Variants in ZACN observed in about 807,000 individuals in gnomAD.
The protein encoded by ZACN is zinc activated ion channel, also known as ligand-gated cation channel ZACN.
In ZACN, 52 loss-of-function variants were observed where a neutral mutation model predicts 38.9. The ratio of observed to expected loss-of-function variants is 1.34; its 90% CI spans 1.07 to 1.68. ZACN has a LOEUF of 1.68. Among genes scored for constraint, ZACN ranks in the 40% most tolerant of loss-of-function variants. The pLI is 0.00. For missense variants in ZACN, 559 were observed against 525.6 expected, an observed-to-expected ratio of 1.06 and a Z score of -0.62; for synonymous variants, 235 against 227.4, an observed-to-expected ratio of 1.03 and a Z score of -0.30.
chr17:76,082,156 C>T (rs2144571967), intron 8 of ZACN, 107 bp downstream of exon 8: 1 of 1,314,872 alleles, frequency 7.6e-7, no homozygotes, highest in East Asian at 2.5e-5. Flanking sequence ...ATCCACCCTG[C>T]TGGCTCTCCT....
At chr17:76,080,666 C>A (rs1442362138) in intron 5 of ZACN, 1 of 663,398 alleles carries the variant, frequency 1.5e-6, no homozygotes, top group Non-Finnish European at 2.8e-6. Flanking sequence ...GCGGTAGCCT[C>A]AGGGCCCCTC....
chr17:76,082,212 T>G, intron 8 of ZACN, 163 bp downstream of exon 8: 1 of 974,538 alleles, frequency 1.0e-6, no homozygotes, highest in Non-Finnish European at 1.5e-6. Flanking sequence ...GAAACAGGTC[T>G]GGGGCAGGGA....
rs779504228 is a variant in ZACN, at chr17:76,081,561, CG to C, written c.688del (p.Ala230ArgfsTer33). ...CFQVTLRLKN[T>X]ALKSIIALLV... ...CCCTTCCAGCTGAGGCTGAAGAACA[CG>C]GCGCTCAAGTCCATCATCGCTCTCT... On this transcript the variant is annotated frameshift_variant, in exon 7 of 9. Coordinates refer to ENST00000334586, the MANE Select transcript of ZACN (RefSeq NM_180990.4). LOFTEE classifies it high-confidence loss of function. 6.2e-7 allele frequency: 1 copy of C among 1,613,582 alleles called. No individual in the cohort carries two copies. The highest frequency in any genetic ancestry group is 1.1e-5 in the South Asian group (1 of 91,088).
At position 76,079,535 on chromosome 17, in the gene ZACN, G is replaced by T. The variant is rs755002511; in HGVS notation, c.194G>T (p.Arg65Leu). ...AGTGCGCCCCTGCTCGTGGATGTGC[G>T]GGTGTTTGTCTCCAACGTGTTTAAT... The part of the protein sequence containing the change: ...NGSAPLLVDV[R>L]VFVSNVFNVD... The change falls in exon 2 of 9, where the codon CGG becomes CTG. Residue 65 changes from arginine (R) to leucine (L), a missense_variant. Arg to Leu is a moderately radical substitution (Grantham distance 102). Transcript: ENST00000334586. The T allele has an allele frequency of 6.2e-7, 1 of 1,614,206 alleles. No homozygotes were observed. Among genetic ancestry groups the T allele is most frequent in the African/African-American group, 1.3e-5 (1 of 75,038 alleles).
chr17:76,082,642 C>A lies in ZACN; in HGVS notation c.1228C>A (p.Pro410Thr). 1.9e-6 allele frequency: 3 copies of A among 1,611,124 alleles called. No individual in the cohort carries two copies. Among genetic ancestry groups the A allele is most frequent in the Non-Finnish European group, 2.5e-6 (3 of 1,179,000 alleles). The change falls in exon 9 of 9, where the codon CCT becomes ACT. Residue 410 changes from proline (P) to threonine (T), a missense_variant. Transcript: ENST00000334586. ...PGEAAPHGRR[P>T]RL is the part of the protein sequence containing the mutation. ...AGAGGCTGCACCCCATGGCAGGCGG[C>A]CTAGACTGTAAAGGGGCAGGGCCTG...
At chr17:76,082,088 G>A (rs1310239393) in intron 8 of ZACN, 39 bp downstream of exon 8, 1 of 1,557,242 alleles carries the variant, frequency 6.4e-7, no homozygotes, top group Non-Finnish European at 8.7e-7. Context: ...AGGCCTAGGT[G>A]CACACCTAGG....
rs761090443 is a variant in ZACN at position 76,081,880 on chromosome 17, A to G, written c.881-2A>G. ...CATCTCCCTGTGCCCTGCCTCCCCC[A>G]GTTTACTACTTCACCATCCTGCTGC... On this transcript the variant is annotated splice_acceptor_variant, in intron 7 of 8. Transcript: ENST00000334586. LOFTEE classifies it high-confidence loss of function. 1 of 1,608,128 alleles carries G rather than the reference A, an allele frequency of 6.2e-7. No individual in the cohort carries two copies.
intron 5 of ZACN, chr17:76,080,683 G>C (rs1262148336): frequency 3.2e-6 from 2 of 626,082 alleles, no homozygotes; most frequent in Middle Eastern, 2.5e-4. Context: ...CCTCTCTAGG[G>C]TGACAGACTC....
In ZACN at chr17:76,080,275, A is replaced by G. The variant is rs778914922; in HGVS notation, c.395A>G (p.Asp132Gly). 35 of 1,613,546 alleles carry G rather than the reference A, an allele frequency of 2.2e-5. No homozygotes were observed. Among genetic ancestry groups the G allele is most frequent in the Non-Finnish European group, 2.9e-5 (34 of 1,179,952 alleles). The change falls in exon 5 of 9, where the codon GAC becomes GGC. Residue 132 changes from aspartate to glycine, a missense_variant. Asp to Gly is a moderately conservative substitution (Grantham distance 94, BLOSUM62 -1). Coordinates refer to ENST00000334586, the MANE Select transcript of ZACN (RefSeq NM_180990.4). Reference sequence around the variant, plus strand: ...CACAGGCTCTGGGTGGACTGGAGGGACCAGAGCCCCCAGGCTCGAGTAGAC... The same window carrying G: ...CACAGGCTCTGGGTGGACTGGAGGGGCCAGAGCCCCCAGGCTCGAGTAGAC... Reference protein sequence around the residue: ...ILEALWVDWRDQSPQARVDQD... With the variant: ...ILEALWVDWRGQSPQARVDQD...
At chr17:76,080,152 A>G (rs2066926517) in intron 4 of ZACN, 103 bp from the exon 5 acceptor site, 1 of 1,485,232 alleles carries the variant, frequency 6.7e-7, no homozygotes, top group Admixed American at 2.2e-5. Context: ...TCCCACTGCC[A>G]GAACTCTGAA....
Position 76,080,463 on chromosome 17 carries a change from G to A in ZACN, c.544+39G>A, listed in dbSNP as rs1021734460. On this transcript the variant is annotated intron_variant, in intron 5 of 8. Transcript: ENST00000334586. ...AGGGGCTGCAGGGTTGAGGAGGGGA[G>A]GAGGAAGGTGGGGGAGGGGAACTCC... 6 of 1,608,470 alleles carry A rather than the reference G, an allele frequency of 3.7e-6. No individual in the cohort carries two copies. In the African/African-American group the frequency reaches 4.0e-5, roughly 11 times the overall value.
chr17:76,081,506 TC>T (rs747707246), intron 6 of ZACN, 38 bp from the exon 7 acceptor site: 12 of 1,609,470 alleles, frequency 7.5e-6, no homozygotes, highest in Non-Finnish European at 8.5e-6. Context: ...CCCACCTCCT[TC>T]CCCCCCGCCG....
chr17:76,082,738 A>T lies in ZACN; in HGVS notation c.*85A>T. 7.6e-7 allele frequency: 1 copy of T among 1,316,250 alleles called. No homozygotes were observed. Among genetic ancestry groups the T allele is most frequent in the Non-Finnish European group, 1.0e-6 (1 of 981,878 alleles). The allele number at this position is 1,316,250 out of a possible 1,614,324, so 81.5% of individuals were successfully genotyped here. Reference sequence around the variant, plus strand: ...GGGCCATGACAGGGCCTCTGGATTAAGCCACCCTGAGCTCTCCCTCCGCTA... The same window carrying T: ...GGGCCATGACAGGGCCTCTGGATTATGCCACCCTGAGCTCTCCCTCCGCTA... On this transcript the variant is annotated 3_prime_UTR_variant, in exon 9 of 9. Coordinates refer to ENST00000334586, the MANE Select transcript of ZACN (RefSeq NM_180990.4).
chr17:76,081,438 C>CT lies in ZACN; in HGVS notation c.669+37dup, dbSNP rs780959820. The CT allele has an allele frequency of 5.6e-6, 9 of 1,612,898 alleles. No homozygotes were observed. The Admixed American group carries it at 1.3e-4, about 24-fold the overall frequency. On this transcript the variant is annotated intron_variant, in intron 6 of 8. Coordinates refer to ENST00000334586, the MANE Select transcript of ZACN (RefSeq NM_180990.4). ...TCGGGAGGAGGCCGACAGAGGGCTG[C>CT]TGGAGGCGGGTGGGAGTGAGGATGC... is the stretch of plus-strand genomic sequence containing the variant.
At position 76,080,202 on chromosome 17, in the gene ZACN, C is replaced by G. The variant is rs7210718; in HGVS notation, c.375-53C>G. On this transcript the variant is annotated intron_variant, in intron 4 of 8. Coordinates refer to ENST00000334586, the MANE Select transcript of ZACN (RefSeq NM_180990.4). The stretch of plus-strand genomic sequence containing the variant: ...GGGTTGGGATGCCAGGGTCTCCCCC[C>G]GGCCCCGTCCAAGAAGGGGCTGGGG... 3.2e-6 allele frequency: 5 copies of G among 1,558,478 alleles called. No homozygotes were observed. In the South Asian group the frequency reaches 3.6e-5, roughly 11 times the overall value.
rs2066918512 is a variant in ZACN, at chr17:76,079,571, C to G, written c.222+8C>G. 6.2e-7 allele frequency: 1 copy of G among 1,614,042 alleles called. No individual in the cohort carries two copies. The highest frequency in any genetic ancestry group is 8.5e-7 in the Non-Finnish European group (1 of 1,180,004). On this transcript the variant is annotated splice_region_variant and intron_variant, in intron 2 of 8. Coordinates refer to ENST00000334586, the MANE Select transcript of ZACN (RefSeq NM_180990.4). ...TCCAACGTGTTTAATGTGGTAAGTG[C>G]CTCTAGGCCAAGGGCCCCAAGTGCT...
At chr17:76,080,030 T>C in intron 4 of ZACN, 36 bp downstream of exon 4, 2 of 1,524,844 alleles carry the variant, frequency 1.3e-6, no homozygotes, top group Non-Finnish European at 1.8e-6. Context: ...GAATCTGCCA[T>C]GCATAGCCCT....
chr17:76,081,708 C>A lies in ZACN; in HGVS notation c.833C>A (p.Ser278Tyr). 3 of 1,614,102 alleles carry A rather than the reference C, an allele frequency of 1.9e-6. No homozygotes were observed. Among genetic ancestry groups the A allele is most frequent in the Non-Finnish European group, 2.5e-6 (3 of 1,180,016 alleles). Residue 278 changes from serine (S) to tyrosine (Y), a missense_variant, in exon 7 of 9, where the codon TCC (serine) becomes TAC (tyrosine). By Grantham distance (144) the Ser-to-Tyr change is moderately radical. Transcript: ENST00000334586. Reference sequence around the variant, plus strand: ...CTGAGTTACCTCGTCCTCCACTCCTCCCTGGTGCAGGCCCTGCCCAGCTCC... The same window carrying A: ...CTGAGTTACCTCGTCCTCCACTCCTACCTGGTGCAGGCCCTGCCCAGCTCC... ...LLLSYLVLHSSLVQALPSSSS... is the reference protein window; with the variant it reads ...LLLSYLVLHSYLVQALPSSSS...
chr17:76,079,871 T>C lies in ZACN; in HGVS notation c.268-17T>C, dbSNP rs2066922271. The C allele has an allele frequency of 1.3e-6, 2 of 1,586,850 alleles. No homozygotes were observed. The highest frequency in any genetic ancestry group is 1.7e-6 in the Non-Finnish European group (2 of 1,165,726). ...ATGTGGAGAGCAGGAGCCTCAGTGG[T>C]GCCCTTGTGTCCCCAGTCCTGGCTG... On this transcript the variant is annotated splice_polypyrimidine_tract_variant and intron_variant, in intron 3 of 8. Transcript: ENST00000334586.
Sources: gnomAD v4.1 joint callset for allele counts on GRCh38, gnomAD v4.1.1 for gene constraint, MANE v1.5 for transcripts, NCBI Gene and HGNC (gene_info 2026-07-23, HGNC 2026-07-21) for gene names.